The following ASB3 variants were observed in gnomAD, a reference collection of about 807,000 sequenced individuals.
ASB3 encodes ankyrin repeat and SOCS box containing 3, also known as ankyrin repeat and SOCS box protein 3.
ASB3 carries 41 observed loss-of-function variants against 54.5 expected under a neutral mutation model. The observed-to-expected ratio is 0.75, with a 90% CI of 0.59 to 0.98. ASB3 has a LOEUF of 0.98. Among genes scored for constraint, ASB3 ranks in the 50% least tolerant of loss-of-function variants. The pLI is 0.00. For synonymous variants in ASB3, 266 were observed against 221.2 expected (o/e 1.20, Z -1.80); for missense variants, 733 against 620.0 (o/e 1.18, Z -1.94).
At chr2:53,764,247 T>G (rs920267027) in intron 2 of ASB3, among the ~76,000 whole-genome samples, 1 of 152,208 alleles carries the variant, frequency 6.6e-6, no homozygotes, top group African/African-American at 2.4e-5. Flanking sequence ...TTCTGAGTGT[T>G]ACAATGCAGA....
chr2:53,685,629 A>G (rs1668592591), intron 9 of ASB3, among the ~76,000 whole-genome samples: 2 of 152,240 alleles, frequency 1.3e-5, no homozygotes, highest in Non-Finnish European at 2.9e-5. Flanking sequence ...TGGTATGGAA[A>G]GACTACCTTA....
intron 2 of ASB3, among the ~76,000 whole-genome samples, chr2:53,759,742 C>A (rs946509906): frequency 6.6e-6 from 1 of 152,158 alleles, no homozygotes; most frequent in South Asian, 2.1e-4. Context: ...AATAAGCCTC[C>A]CCCTCGTCCA....
intron 7 of ASB3, among the ~76,000 whole-genome samples, chr2:53,704,088 G>C (rs374949793): frequency 1.3e-5 from 2 of 152,240 alleles, no homozygotes; most frequent in East Asian, 3.9e-4. Context: ...GAAGGGCTAG[G>C]CGTGGTGGCT....
intron 5 of ASB3, among the ~76,000 whole-genome samples, chr2:53,717,035 A>G (rs1198911866): frequency 6.6e-6 from 1 of 152,162 alleles, no homozygotes; most frequent in Non-Finnish European, 1.5e-5. Context: ...TGGGCAACAT[A>G]GTGAGACCCT....
chr2:53,717,382 T>C, intron 5 of ASB3, among the ~76,000 whole-genome samples: 1 of 152,204 alleles, frequency 6.6e-6, no homozygotes, highest in Non-Finnish European at 1.5e-5. Flanking sequence ...GACTATACTC[T>C]CTATTACATC....
intron 1 of ASB3, among the ~76,000 whole-genome samples, chr2:53,781,980 TA>T (rs1226570340): frequency 1.3e-5 from 2 of 152,088 alleles, no homozygotes. Context: ...CTCACATCTG[TA>T]ATCCCAACAC....
At chr2:53,718,655 C>G (rs1339883448) in intron 5 of ASB3, among the ~76,000 whole-genome samples, 1 of 151,910 alleles carries the variant, frequency 6.6e-6, no homozygotes, top group East Asian at 1.9e-4. Flanking sequence ...GGATCAAAAC[C>G]TCACATATCA....
intron 8 of ASB3, among the ~76,000 whole-genome samples, chr2:53,696,596 C>T (rs951395806): frequency 2.0e-5 from 3 of 152,010 alleles, no homozygotes; most frequent in East Asian, 1.9e-4. Context: ...GGCACAAATC[C>T]CTCAGGTTAG....
intron 9 of ASB3, among the ~76,000 whole-genome samples, chr2:53,685,026 T>A (rs981346925): frequency 6.6e-6 from 1 of 152,170 alleles, no homozygotes; most frequent in Non-Finnish European, 1.5e-5. Context: ...AGTACTAATA[T>A]GCAGTACTCA....
intron 5 of ASB3, among the ~76,000 whole-genome samples, chr2:53,719,205 G>A (rs967589358): frequency 1.3e-5 from 2 of 152,252 alleles, no homozygotes; most frequent in Middle Eastern, 3.4e-3. Flanking sequence ...TTACAGGCGT[G>A]AGCCACCACG....
intron 3 of ASB3, among the ~76,000 whole-genome samples, chr2:53,744,891 C>T (rs957076779): frequency 3.9e-5 from 6 of 151,964 alleles, no homozygotes; most frequent in African/African-American, 1.5e-4. Flanking sequence ...GCAGCCTCAC[C>T]CAACACTATT....
rs1286586454 is a variant in ASB3 at position 53,766,227 on chromosome 2, G to A, written c.-13-642C>T. On this transcript the variant is annotated intron_variant, in intron 1 of 9. Coordinates refer to ENST00000263634, the MANE Select transcript of ASB3 (RefSeq NM_016115.5). ...GAGAACACCATGAAGAGATGAGCCC[G>A]GTTTTCCTACATAGCCCAGAAAGTT... 2.6e-5 allele frequency among the ~76,000 whole-genome samples: 4 copies of A among 152,146 alleles called. No homozygotes were observed. In the East Asian group the frequency reaches 5.8e-4, roughly 22 times the overall value.
At chr2:53,743,906 G>A (rs1672075486) in intron 3 of ASB3, among the ~76,000 whole-genome samples, 1 of 152,008 alleles carries the variant, frequency 6.6e-6, no homozygotes, top group Non-Finnish European at 1.5e-5. Context: ...AGCCTGGCAT[G>A]GTGGCAGGCA....
At chr2:53,768,006 C>A in intron 1 of ASB3, 1 of 1,613,624 alleles carries the variant, frequency 6.2e-7, no homozygotes, top group Non-Finnish European at 8.5e-7. Context: ...CGGACCACCG[C>A]GGGGTCCCCG....
intron 3 of ASB3, among the ~76,000 whole-genome samples, chr2:53,731,834 G>C (rs567471382): frequency 9.9e-5 from 15 of 152,198 alleles, no homozygotes; most frequent in African/African-American, 3.6e-4. Context: ...TGGTATTTTT[G>C]TAGAGATAGC....
intron 7 of ASB3, among the ~76,000 whole-genome samples, chr2:53,703,312 G>C (rs561166390): frequency 6.6e-6 from 1 of 152,148 alleles, no homozygotes; most frequent in Non-Finnish European, 1.5e-5. Context: ...TTTGTTGCAG[G>C]ATCTATACAG....
intron 1 of ASB3, among the ~76,000 whole-genome samples, chr2:53,785,733 G>C (rs997706046): frequency 6.6e-6 from 1 of 152,116 alleles, no homozygotes; most frequent in South Asian, 2.1e-4. Flanking sequence ...CCAACTACTC[G>C]GAAGGCTGAG....
intron 9 of ASB3, among the ~76,000 whole-genome samples, chr2:53,674,772 G>C (rs1667991182): frequency 6.6e-6 from 1 of 151,898 alleles, no homozygotes; most frequent in African/African-American, 2.4e-5. Context: ...CCATCCTTTT[G>C]TTCCCAGTTT....
chr2:53,761,443 G>T (rs1294039016), intron 2 of ASB3, among the ~76,000 whole-genome samples: 1 of 151,912 alleles, frequency 6.6e-6, no homozygotes, highest in East Asian at 1.9e-4. Flanking sequence ...AAAGGCAGAA[G>T]GAGAATTCAT....
Sources: allele counts gnomAD v4.1 joint callset (sites outside exome capture counted in the v4.1 genomes callset), GRCh38; gene constraint gnomAD v4.1.1; transcripts MANE v1.5; gene names NCBI Gene and HGNC (gene_info 2026-07-23, HGNC 2026-07-21).